Variants in APOL4 observed in about 807,000 individuals in gnomAD.
The protein encoded by APOL4 is apolipoprotein L4.
Under a neutral mutation model 12.1 loss-of-function variants are expected in APOL4, and 14 were observed. That is an observed-to-expected ratio of 1.16 (90% CI 0.76 to 1.81). The LOEUF (loss-of-function observed/expected upper bound fraction) is 1.81. APOL4 is among the 40% of genes most tolerant of loss of function. APOL4 has a pLI of 0.00. For synonymous variants in APOL4, 171 were observed against 160.6 expected (o/e 1.06, Z -0.49); for missense variants, 432 against 423.1 (o/e 1.02, Z -0.18).
rs114171244 is a variant in APOL4 at position 36,197,757 on chromosome 22, G to T, written c.82+1573C>A. The stretch of plus-strand genomic sequence containing the variant: ...AAAGAACAAGAACTCCAGGCAGCAG[G>T]TTCACATAATGGACACAGAAGGAGC... On this transcript the variant is annotated intron_variant, in intron 2 of 3. Transcript: ENST00000683024. The T allele has an allele frequency of 5.2e-3, 7,999 of 1,550,484 alleles. 394 individuals carry two copies. In the African/African-American group the frequency reaches 0.099, roughly 19 times the overall value.
At chr22:36,196,742 G>A (rs2014422362) in intron 2 of APOL4, among the ~76,000 whole-genome samples, 1 of 152,156 alleles carries the variant, frequency 6.6e-6, no homozygotes, top group African/African-American at 2.4e-5. Context: ...GAGAAATTGA[G>A]ACCCAGACAG....
chr22:36,197,040 T>G (rs530327444), intron 2 of APOL4, among the ~76,000 whole-genome samples: 1 of 152,236 alleles, frequency 6.6e-6, no homozygotes, highest in East Asian at 1.9e-4. Context: ...CTCTGTCCCC[T>G]GCAGGCTGGT....
chr22:36,197,962 C>A, intron 2 of APOL4: 1 of 1,352,002 alleles, frequency 7.4e-7, no homozygotes, highest in South Asian at 1.9e-5. Flanking sequence ...ACAGAAGTTC[C>A]ATGCTTGCAA....
chr22:36,203,150 C>T (rs1603478781), upstream of APOL4, among the ~76,000 whole-genome samples: 1 of 152,174 alleles, frequency 6.6e-6, no homozygotes, highest in Admixed American at 6.5e-5. Context: ...TTTCCTATTG[C>T]GGGATCTGGC....
intron 2 of APOL4, among the ~76,000 whole-genome samples, chr22:36,197,982 G>A (rs1603478404): frequency 6.6e-6 from 1 of 151,970 alleles, no homozygotes; most frequent in African/African-American, 2.4e-5. Flanking sequence ...ACAAAACTGC[G>A]TGGCCCCCCA....
chr22:36,197,549 A>G, intron 2 of APOL4: 2 of 1,400,586 alleles, frequency 1.4e-6, no homozygotes, highest in Non-Finnish European at 1.9e-6. Context: ...TTCCCGGGCA[A>G]ACAAAACCAA....
intron 1 of APOL4, among the ~76,000 whole-genome samples, chr22:36,200,800 C>T (rs2014548345): frequency 6.6e-6 from 1 of 152,168 alleles, no homozygotes; most frequent in Non-Finnish European, 1.5e-5. Context: ...TACTGGCTCT[C>T]AGTAGTCTCT....
intron 2 of APOL4, among the ~76,000 whole-genome samples, chr22:36,195,912 C>A (rs982379825): frequency 6.6e-5 from 10 of 152,144 alleles, no homozygotes; most frequent in Non-Finnish European, 1.3e-4. Flanking sequence ...GGCACCTTCA[C>A]CTTGGACTTC....
In APOL4 at chr22:36,191,420, G is replaced by A. The variant is rs199867930; in HGVS notation, c.702C>T (p.Asp234=). 98 of 1,614,050 alleles carry A rather than the reference G, an allele frequency of 6.1e-5. No individual in the cohort carries two copies. The African/African-American group carries it at 9.1e-4, about 15-fold the overall frequency. ...CATTCGCAATCATTTTTGTGGCTTC[G>A]TCAAAATCAAGTGCAAAAGAAAGCA... is the stretch of plus-strand genomic sequence containing the variant. The part of the protein sequence containing the change: ...PNVLSFALDF[D]EATKMIANDV... Residue 234 remains aspartate, a synonymous_variant, in exon 4 of 4, where the codon GAC becomes GAT. Coordinates refer to ENST00000683024, the MANE Select transcript of APOL4 (RefSeq NM_001386885.1).
intron 3 of APOL4, among the ~76,000 whole-genome samples, chr22:36,193,776 C>T (rs1317691526): frequency 6.6e-6 from 1 of 152,200 alleles, no homozygotes; most frequent in Non-Finnish European, 1.5e-5. Flanking sequence ...GACGTTCTGA[C>T]TAAAGGCCAC....
chr22:36,196,975 G>A (rs2014427872), intron 2 of APOL4, among the ~76,000 whole-genome samples: 2 of 152,180 alleles, frequency 1.3e-5, no homozygotes, highest in South Asian at 2.1e-4. Context: ...GGGTTCTTTA[G>A]GTGGGCAGGG....
At chr22:36,196,365 T>G (rs1266468177) in intron 2 of APOL4, among the ~76,000 whole-genome samples, 1 of 152,188 alleles carries the variant, frequency 6.6e-6, no homozygotes, top group Non-Finnish European at 1.5e-5. Flanking sequence ...TAGATGTGTT[T>G]AGGATGGCAG....
At chr22:36,192,329 G>T (rs139104814) in intron 3 of APOL4, among the ~76,000 whole-genome samples, 1 of 152,214 alleles carries the variant, frequency 6.6e-6, no homozygotes, top group East Asian at 1.9e-4. Context: ...GACAGAGCGA[G>T]ACTCCATCTC....
At chr22:36,201,424 G>A (rs1485579780) in intron 1 of APOL4, among the ~76,000 whole-genome samples, 1 of 151,032 alleles carries the variant, frequency 6.6e-6, no homozygotes, top group Non-Finnish European at 1.5e-5. Context: ...ACACACAGAT[G>A]TCTGTCTTCT....
At chr22:36,202,619 G>A (rs372445533), upstream of APOL4, among the ~76,000 whole-genome samples, 1,437 of 152,000 alleles carry the variant, frequency 9.5e-3, 31 homozygotes, top group African/African-American at 0.033. Flanking sequence ...CCAGCTACTC[G>A]GGAGGCTGAG....
chr22:36,202,845 A>G (rs895556938), upstream of APOL4, among the ~76,000 whole-genome samples: 1 of 152,170 alleles, frequency 6.6e-6, no homozygotes, highest in African/African-American at 2.4e-5. Flanking sequence ...AGAGGGGAAA[A>G]TCTTAGGCTG....
At chr22:36,193,614 C>A (rs561417244) in intron 3 of APOL4, among the ~76,000 whole-genome samples, 3 of 152,198 alleles carry the variant, frequency 2.0e-5, no homozygotes, top group Admixed American at 6.5e-5. Flanking sequence ...CTTAAGAAAG[C>A]CCCTCAAGTT....
chr22:36,199,255 A>T, intron 2 of APOL4, 75 bp downstream of exon 2: 1 of 1,588,086 alleles, frequency 6.3e-7, no homozygotes, highest in South Asian at 1.1e-5. Context: ...ACCACCCTCC[A>T]TTCTAGCTGT....
chr22:36,189,862 C>T lies in APOL4; in HGVS notation c.*1213G>A, dbSNP rs142445483. The T allele has an allele frequency of 4.8e-3, 739 of 153,262 alleles. 9 individuals carry two copies. The highest frequency in any genetic ancestry group is 0.016 in the African/African-American group (681 of 41,506). The allele number at this position is 153,262 out of a possible 1,614,324, so 9.5% of individuals were successfully genotyped here. ...CCCTGCTGTGCTCAGCTACAGATGCCAAAGTTCCTAACACTGAGTTCCATA... is the reference window on the plus strand; with the variant it reads ...CCCTGCTGTGCTCAGCTACAGATGCTAAAGTTCCTAACACTGAGTTCCATA... On this transcript the variant is annotated 3_prime_UTR_variant, in exon 4 of 4. Transcript: ENST00000683024.
Sources: gnomAD v4.1 joint callset for allele counts (sites outside exome capture counted in the v4.1 genomes callset) on GRCh38, gnomAD v4.1.1 for gene constraint, MANE v1.5 for transcripts, NCBI Gene and HGNC (gene_info 2026-07-23, HGNC 2026-07-21) for gene names.